METTL24: variants seen among roughly 807,000 people sequenced by gnomAD.
The protein encoded by METTL24 is probable methyltransferase-like protein 24.
A neutral mutation model predicts 32.7 loss-of-function variants in METTL24; 29 were observed. That is an observed-to-expected ratio of 0.89 (90% confidence interval 0.66 to 1.21). The LOEUF (loss-of-function observed/expected upper bound fraction) is 1.21, where lower values mean the gene tolerates loss of function less well. Among genes scored for constraint, METTL24 ranks in the 50% most tolerant of loss-of-function variants. The pLI is 0.00. For missense variants in METTL24, 439 were observed against 468.1 expected (o/e 0.94, Z 0.57); for synonymous variants, 163 against 179.5 (o/e 0.91, Z 0.73).
intron 2 of METTL24, 133 bp from the exon 3 acceptor site, chr6:110,315,614 C>T: frequency 1.1e-6 from 1 of 877,146 alleles, no homozygotes; most frequent in Non-Finnish European, 1.7e-6. Context: ...AACAACTCCC[C>T]TCCCCAGGGA....
chr6:110,335,425 C>A (rs1246370275), intron 1 of METTL24, among the ~76,000 whole-genome samples: 1 of 152,048 alleles, frequency 6.6e-6, no homozygotes, highest in Admixed American at 6.6e-5. Flanking sequence ...TGAGAAATGA[C>A]TAATATTCCT....
chr6:110,322,815 C>T lies in METTL24; in HGVS notation c.376G>A (p.Glu126Lys). ...PWAGSAQSLD[E>K]EAWRFLRYIS... ...TATCTCAGGAACCTCCAGGCTTCTTCATCCAGGGACTGAGCAGAGCCTGCC... is the reference window on the plus strand; with the variant it reads ...TATCTCAGGAACCTCCAGGCTTCTTTATCCAGGGACTGAGCAGAGCCTGCC... The change falls in exon 2 of 5, where the codon GAA becomes AAA. Residue 126 changes from glutamate to lysine, a missense_variant. By Grantham distance (56) the Glu-to-Lys change is moderately conservative. Transcript: ENST00000338882. 6.2e-7 allele frequency: 1 copy of T among 1,614,004 alleles called. No individual in the cohort carries two copies. The highest frequency in any genetic ancestry group is 8.5e-7 in the Non-Finnish European group (1 of 1,179,932).
intron 2 of METTL24, among the ~76,000 whole-genome samples, chr6:110,320,047 C>T (rs938064571): frequency 2.0e-5 from 3 of 152,160 alleles, no homozygotes; most frequent in African/African-American, 7.2e-5. Context: ...AGGCCTGGCA[C>T]AGTGCCAGCC....
In METTL24 at chr6:110,265,923, C is replaced by T. The variant is rs566926541; in HGVS notation, c.787-19663G>A. Among the ~76,000 whole-genome samples, 3 of 132,476 alleles carry T rather than the reference C, an allele frequency of 2.3e-5. No homozygotes were observed. In the South Asian group the frequency reaches 7.6e-4, roughly 34 times the overall value. The allele number at this position is 132,476 out of a possible 152,430, so 86.9% of individuals were successfully genotyped here. On this transcript the variant is annotated intron_variant, in intron 4 of 4. Coordinates refer to ENST00000338882, the MANE Select transcript of METTL24 (RefSeq NM_001123364.3). ...TCCTCTTTCTTCTTCTTCTTCTTCA[C>T]AGGTTCTTGCTCTGCCAACCAGGCT...
rs555574368 is a variant in METTL24, at chr6:110,255,491, C to T, written c.787-9231G>A. The stretch of plus-strand genomic sequence containing the variant: ...CTAAGCAGGAACCAAGCAGCACAAA[C>T]GTAGGCAGGACTGAGGCGGTAGCAA... On this transcript the variant is annotated intron_variant, in intron 4 of 4. Coordinates refer to ENST00000338882, the MANE Select transcript of METTL24 (RefSeq NM_001123364.3). Among the ~76,000 whole-genome samples, 6 of 152,158 alleles carry T rather than the reference C, an allele frequency of 3.9e-5. No homozygotes were observed. The South Asian group carries it at 1.2e-3, about 32-fold the overall frequency.
Position 110,268,315 on chromosome 6 carries a change from G to C in METTL24, c.787-22055C>G, listed in dbSNP as rs563047241. On this transcript the variant is annotated intron_variant, in intron 4 of 4. Coordinates refer to ENST00000338882, the MANE Select transcript of METTL24 (RefSeq NM_001123364.3). ...GATCACACATATCTATTAAGTGGTG[G>C]AATCAGGATTCTAACTGGGTCTGAC... Among the ~76,000 whole-genome samples, 3 of 152,200 alleles carry C rather than the reference G, an allele frequency of 2.0e-5. No individual in the cohort carries two copies. The East Asian group carries it at 5.8e-4, about 29-fold the overall frequency.
At chr6:110,315,103 G>A (rs1222784017) in intron 3 of METTL24, among the ~76,000 whole-genome samples, 1 of 151,954 alleles carries the variant, frequency 6.6e-6, no homozygotes, top group African/African-American at 2.4e-5. Context: ...TGATGAGAAC[G>A]GGGGCTTCCA....
chr6:110,352,209 C>T (rs1180610047), intron 1 of METTL24, among the ~76,000 whole-genome samples: 1 of 152,130 alleles, frequency 6.6e-6, no homozygotes, highest in African/African-American at 2.4e-5. Flanking sequence ...ATGTGCCATG[C>T]CGTCACTGAG....
Position 110,358,071 on chromosome 6 carries a change from C to G in METTL24, c.202G>C (p.Ala68Pro). The part of the protein sequence containing the change: ...LPPAPGQPRG[A>P]SRRQVTYVRS... ...ACGTAGGTCACCTGCCTCCTGCTGG[C>G]GCCGCGCGGCTGGCCCGGCGCGGGC... The change falls in exon 1 of 5, where the codon GCC becomes CCC. Residue 68 changes from alanine to proline, a missense_variant. Physicochemically the swap from Ala to Pro is conservative, Grantham distance 27. Transcript: ENST00000338882. 3 of 1,013,224 alleles carry G rather than the reference C, an allele frequency of 3.0e-6. No individual in the cohort carries two copies. Among genetic ancestry groups the G allele is most frequent in the Non-Finnish European group, 3.5e-6 (3 of 849,982 alleles). The allele number at this position is 1,013,224 out of a possible 1,614,324, so 62.8% of individuals were successfully genotyped here.
chr6:110,326,262 C>T (rs926132194), intron 1 of METTL24, among the ~76,000 whole-genome samples: 8 of 152,184 alleles, frequency 5.3e-5, no homozygotes, highest in Admixed American at 3.3e-4. Flanking sequence ...TGCTGGGGTT[C>T]CCCGCTCAGT....
At chr6:110,295,009 CTTTCT>C (rs1286615454) in intron 4 of METTL24, among the ~76,000 whole-genome samples, 5 of 95,506 alleles carry the variant, frequency 5.2e-5, no homozygotes, top group African/African-American at 1.8e-4. Context: ...TTTTTTCTTT[CTTTCT>C]TTTTTTTTTT....
At chr6:110,327,478 T>C (rs1354178738) in intron 1 of METTL24, among the ~76,000 whole-genome samples, 1 of 152,206 alleles carries the variant, frequency 6.6e-6, no homozygotes, top group African/African-American at 2.4e-5. Context: ...TAATGTTAAG[T>C]TGAGGAGTCT....
chr6:110,248,757 A>C (rs1043692102), intron 4 of METTL24, among the ~76,000 whole-genome samples: 4 of 150,366 alleles, frequency 2.7e-5, no homozygotes, highest in South Asian at 2.1e-4. Context: ...TCATCTCTAC[A>C]AAAAAAAATA....
chr6:110,253,281 G>T (rs1035377040), intron 4 of METTL24, among the ~76,000 whole-genome samples: 1 of 152,098 alleles, frequency 6.6e-6, no homozygotes, highest in African/African-American at 2.4e-5. Flanking sequence ...CCTTCAACTG[G>T]CTTCAACTGC....
At chr6:110,319,283 T>C (rs1245180699) in intron 2 of METTL24, among the ~76,000 whole-genome samples, 1 of 152,078 alleles carries the variant, frequency 6.6e-6, no homozygotes, top group Non-Finnish European at 1.5e-5. Context: ...TGTGTGTGTG[T>C]GTGTGTGTGT....
chr6:110,342,785 C>T (rs1193458289), intron 1 of METTL24, among the ~76,000 whole-genome samples: 2 of 152,186 alleles, frequency 1.3e-5, no homozygotes, highest in African/African-American at 2.4e-5. Flanking sequence ...CTGGACATTT[C>T]ATTAAAAAAT....
intron 1 of METTL24, 35 bp from the exon 2 acceptor site, chr6:110,322,907 G>T: frequency 7.4e-7 from 1 of 1,347,442 alleles, no homozygotes; most frequent in Non-Finnish European, 9.8e-7. Flanking sequence ...TGTGTGTAAG[G>T]AAGAGGAACT....
At chr6:110,346,681 A>G (rs910015543) in intron 1 of METTL24, among the ~76,000 whole-genome samples, 5 of 151,832 alleles carry the variant, frequency 3.3e-5, no homozygotes, top group Non-Finnish European at 5.9e-5. Flanking sequence ...ATTTTTGTAT[A>G]TTTAGTAGAG....
intron 1 of METTL24, among the ~76,000 whole-genome samples, chr6:110,352,532 C>T (rs541304785): frequency 3.3e-5 from 5 of 151,928 alleles, no homozygotes; most frequent in African/African-American, 1.2e-4. Flanking sequence ...TCTTAAAATT[C>T]AATTTTCATT....
Sources: gnomAD v4.1 joint callset for allele counts (sites outside exome capture counted in the v4.1 genomes callset) on GRCh38, gnomAD v4.1.1 for gene constraint, MANE v1.5 for transcripts, NCBI Gene and HGNC (gene_info 2026-07-23, HGNC 2026-07-21) for gene names.